Variants in CCDC134 observed in about 807,000 individuals in gnomAD.
CCDC134 encodes coiled-coil domain-containing protein 134.
A neutral mutation model predicts 25.6 loss-of-function variants in CCDC134; 27 were observed. The observed-to-expected ratio is 1.05, with a 90% confidence interval of 0.78 to 1.45. The LOEUF is 1.45. CCDC134 is among the 40% of genes most tolerant of loss of function. The pLI is 0.00. For missense variants in CCDC134, 261 were observed against 286.7 expected, an observed-to-expected ratio of 0.91 and a Z score of 0.65; for synonymous variants, 110 against 115.0, an observed-to-expected ratio of 0.96 and a Z score of 0.28.
chr22:41,812,010 A>C (rs1189767189), intron 4 of CCDC134, among the ~76,000 whole-genome samples: 1 of 152,162 alleles, frequency 6.6e-6, no homozygotes, highest in Non-Finnish European at 1.5e-5. Context: ...TGACCTGTTG[A>C]CCAGTAGAAG....
At position 41,825,586 on chromosome 22, in the gene CCDC134, C is replaced by A; in HGVS notation, c.565-112C>A. The A allele has an allele frequency of 2.2e-6, 3 of 1,367,480 alleles. No homozygotes were observed. Among genetic ancestry groups the A allele is most frequent in the East Asian group, 2.3e-5 (1 of 42,564 alleles). The allele number at this position is 1,367,480 out of a possible 1,614,324, so 84.7% of individuals were successfully genotyped here. A position where few individuals can be genotyped will look rare whatever the true frequency, so the allele number is the denominator to read the frequency against. On this transcript the variant is annotated intron_variant, in intron 6 of 6. Transcript: ENST00000255784. This position sits in a 1 kb window ranked among gnomAD's most constrained non-coding sequence, Gnocchi z 4.4. Reference sequence around the variant, plus strand: ...CCATTTCCTGTCTCCGTGTCTGGGGCAGGGCCTGTGTCCAGGGAACCTTCC... The same window carrying A: ...CCATTTCCTGTCTCCGTGTCTGGGGAAGGGCCTGTGTCCAGGGAACCTTCC...
intron 6 of CCDC134, among the ~76,000 whole-genome samples, chr22:41,823,653 AG>A (rs2076662727): frequency 6.6e-6 from 1 of 152,268 alleles, no homozygotes; most frequent in Non-Finnish European, 1.5e-5. Context: ...AGTCCCGTTC[AG>A]GGTCCAGCCT....
intron 6 of CCDC134, among the ~76,000 whole-genome samples, chr22:41,814,345 C>T (rs1212927113): frequency 6.6e-6 from 1 of 152,120 alleles, no homozygotes; most frequent in Non-Finnish European, 1.5e-5. Flanking sequence ...GCGGGTGGAT[C>T]ACCTGAGGTC....
In CCDC134 at chr22:41,825,779, A is replaced by G; in HGVS notation, c.646A>G (p.Ile216Val). Residue 216 changes from isoleucine to valine, a missense_variant, in exon 7 of 7, where the codon ATC becomes GTC. Coordinates refer to ENST00000255784, the MANE Select transcript of CCDC134 (RefSeq NM_024821.5). The surrounding 1 kb of genome is among the most constrained non-coding windows in gnomAD (Gnocchi z 4.4). Reference sequence around the variant, plus strand: ...AAAGAAAGAGGAGAAGCGGAAGGAGATCCGAAAAGGCCCAAGGATCTCCAG... The same window carrying G: ...AAAGAAAGAGGAGAAGCGGAAGGAGGTCCGAAAAGGCCCAAGGATCTCCAG... ...RRKKEEKRKE[I>V]RKGPRISRSQ... 1.2e-6 allele frequency: 2 copies of G among 1,614,188 alleles called. No homozygotes were observed. Among genetic ancestry groups the G allele is most frequent in the South Asian group, 1.1e-5 (1 of 91,084 alleles).
rs2148323384 is a variant in CCDC134, at chr22:41,826,911, C to G, written c.*1088C>G. Among the ~76,000 whole-genome samples the G allele has an allele frequency of 6.6e-6, 1 of 152,346 alleles. No homozygotes were observed. Among genetic ancestry groups the G allele is most frequent in the African/African-American group, 2.4e-5 (1 of 41,580 alleles). On this transcript the variant is annotated 3_prime_UTR_variant, in exon 7 of 7. Transcript: ENST00000255784. ...TCTTAAAGGAGCAGAGAAAACCATC[C>G]CAGATCCCCTCGACACCCAGCCCCC... is the stretch of plus-strand genomic sequence containing the variant.
At chr22:41,823,503 G>A (rs1056052340) in intron 6 of CCDC134, among the ~76,000 whole-genome samples, 11 of 152,172 alleles carry the variant, frequency 7.2e-5, no homozygotes, top group Admixed American at 6.5e-4. Flanking sequence ...TGGGATTATA[G>A]GCATGAGCCA....
rs970021413 is a variant in CCDC134, at chr22:41,829,820, C to T, written c.*3997C>T. On this transcript the variant is annotated 3_prime_UTR_variant, in exon 7 of 7. Coordinates refer to ENST00000255784, the MANE Select transcript of CCDC134 (RefSeq NM_024821.5). ...AGACAAGTCTCACTTTGTTGCCTGC[C>T]TGGAGTGCAGTGGTGCGATCTCGGC... Among the ~76,000 whole-genome samples the T allele has an allele frequency of 1.3e-5, 2 of 152,152 alleles. No individual in the cohort carries two copies. The highest frequency in any genetic ancestry group is 6.5e-5 in the Admixed American group (1 of 15,286).
chr22:41,816,258 T>A (rs1171290796), intron 6 of CCDC134, among the ~76,000 whole-genome samples: 1 of 152,200 alleles, frequency 6.6e-6, no homozygotes, highest in Non-Finnish European at 1.5e-5. Context: ...GAGGGCAGTG[T>A]CACTGTGGAG....
chr22:41,805,871 A>G (rs1182609205), intron 1 of CCDC134, among the ~76,000 whole-genome samples: 4 of 152,200 alleles, frequency 2.6e-5, no homozygotes, highest in African/African-American at 9.7e-5. Context: ...CAAGAGGTTG[A>G]GGCTGCAGTG....
intron 1 of CCDC134, among the ~76,000 whole-genome samples, chr22:41,808,268 C>A (rs1033622597): frequency 6.6e-6 from 1 of 152,040 alleles, no homozygotes; most frequent in Non-Finnish European, 1.5e-5. Context: ...GAGTAGCAAG[C>A]CCCCTTACCC....
At chr22:41,809,122 C>G (rs1412599710) in intron 2 of CCDC134, 129 bp downstream of exon 2, 2 of 702,924 alleles carry the variant, frequency 2.8e-6, no homozygotes, top group East Asian at 5.4e-5. Context: ...GGTGCTCTAG[C>G]CAGACCTTGA....
chr22:41,810,062 A>T, intron 3 of CCDC134, 62 bp downstream of exon 3: 1 of 1,607,438 alleles, frequency 6.2e-7, no homozygotes, highest in East Asian at 2.2e-5. Flanking sequence ...ACTGATGGGT[A>T]AACAGGAGTT....
rs6002497 is a variant in CCDC134 at position 41,809,752 on chromosome 22, C to T, written c.104-127C>T. The T allele has an allele frequency of 2.3e-4, 277 of 1,225,844 alleles. 2 individuals are homozygous for T. In the African/African-American group the frequency reaches 3.8e-3, roughly 17 times the overall value. The allele number at this position is 1,225,844 out of a possible 1,614,324, so 75.9% of individuals were successfully genotyped here. Reference sequence around the variant, plus strand: ...TGTCAGTTTGTTCATTTCCTGGAGGCTTCTAGCCCTGGGTGTCCATGGCCC... The same window carrying T: ...TGTCAGTTTGTTCATTTCCTGGAGGTTTCTAGCCCTGGGTGTCCATGGCCC... On this transcript the variant is annotated intron_variant, in intron 2 of 6. Transcript: ENST00000255784.
rs542348718 is a variant in CCDC134, at chr22:41,829,237, G to C, written c.*3414G>C. 1.3e-5 allele frequency among the ~76,000 whole-genome samples: 2 copies of C among 152,288 alleles called. No individual in the cohort carries two copies. The highest frequency in any genetic ancestry group is 4.8e-5 in the African/African-American group (2 of 41,552). On this transcript the variant is annotated 3_prime_UTR_variant, in exon 7 of 7. Transcript: ENST00000255784. ...CCTTCCCCATCACTGTCCTCAGAGA[G>C]ATGCTGTTGACAGCTCCTTGAGGTG... is the stretch of plus-strand genomic sequence containing the variant.
intron 1 of CCDC134, among the ~76,000 whole-genome samples, chr22:41,805,980 T>G (rs2076565605): frequency 6.6e-6 from 1 of 152,184 alleles, no homozygotes; most frequent in African/African-American, 2.4e-5. Context: ...GAGTTCTGTT[T>G]GATTTTGATT....
At chr22:41,810,494 T>C (rs1190571685) in intron 4 of CCDC134, among the ~76,000 whole-genome samples, 1 of 135,276 alleles carries the variant, frequency 7.4e-6, no homozygotes, top group East Asian at 2.1e-4. Context: ...CATTTCTTTT[T>C]TTTTTTTTTT....
At chr22:41,824,879 G>T (rs1040342759) in intron 6 of CCDC134, among the ~76,000 whole-genome samples, 1 of 152,228 alleles carries the variant, frequency 6.6e-6, no homozygotes, top group Non-Finnish European at 1.5e-5. Context: ...AGAGATGGGG[G>T]TGGTGATGGG....
chr22:41,805,728 G>A (rs1274800834), intron 1 of CCDC134, among the ~76,000 whole-genome samples: 3 of 152,278 alleles, frequency 2.0e-5, no homozygotes, highest in East Asian at 3.9e-4. Flanking sequence ...TCAGGAGTTT[G>A]AGACCAGCCT....
chr22:41,820,213 GTCTCGATCT>G (rs1202261976), intron 6 of CCDC134, among the ~76,000 whole-genome samples: 1 of 151,164 alleles, frequency 6.6e-6, no homozygotes, highest in Non-Finnish European at 1.5e-5. Context: ...AGCCAGGATC[GTCTCGATCT>G]TCTGACCTCG....
Sources: allele counts gnomAD v4.1 joint callset (sites outside exome capture counted in the v4.1 genomes callset), GRCh38; gene constraint gnomAD v4.1.1; non-coding constraint Gnocchi (gnomAD v3.1); transcripts MANE v1.5; gene names NCBI Gene and HGNC (gene_info 2026-07-23, HGNC 2026-07-21).